Variants in AK7 observed in about 807,000 individuals in gnomAD.
The protein encoded by AK7 is ATP-AMP transphosphorylase 7.
In AK7, 78 loss-of-function variants were observed where a neutral mutation model predicts 96.6. That is an observed-to-expected ratio of 0.81 (90% CI 0.67 to 0.97). The LOEUF is 0.97. AK7 is among the 50% of genes least tolerant of loss of function. AK7 has a pLI of 0.00. For synonymous variants in AK7, 302 were observed against 317.2 expected, an observed-to-expected ratio of 0.95 and a Z score of 0.51; for missense variants, 855 against 887.9, an observed-to-expected ratio of 0.96 and a Z score of 0.47.
At chr14:96,434,363 G>A (rs116938192) in intron 5 of AK7, among the ~76,000 whole-genome samples, 3,441 of 152,258 alleles carry the variant, frequency 0.023, 67 homozygotes, top group Middle Eastern at 0.034. Flanking sequence ...TGGATTACCA[G>A]GCAGACTCTT....
intron 15 of AK7, 78 bp downstream of exon 15, chr14:96,478,740 G>A (rs986531017): frequency 2.8e-6 from 4 of 1,435,630 alleles, no homozygotes; most frequent in Non-Finnish European, 3.8e-6. Flanking sequence ...TGTAATTGTG[G>A]GGCTGGGGGG....
intron 12 of AK7, among the ~76,000 whole-genome samples, chr14:96,469,038 C>A (rs546515217): frequency 2.6e-5 from 4 of 152,074 alleles, no homozygotes; most frequent in Admixed American, 2.0e-4. Flanking sequence ...GCCTTGTAAG[C>A]ATCCCATAAT....
chr14:96,483,456 C>G (rs1369314579), intron 16 of AK7, among the ~76,000 whole-genome samples: 2 of 150,860 alleles, frequency 1.3e-5, no homozygotes, highest in East Asian at 3.9e-4. Flanking sequence ...GGGTCTGGCT[C>G]TGTCGCCCAG....
chr14:96,478,214 A>C (rs1895292701), intron 14 of AK7, among the ~76,000 whole-genome samples: 1 of 143,486 alleles, frequency 7.0e-6, no homozygotes. Context: ...GAAGGAAGGA[A>C]GAGAGGGAGG....
intron 14 of AK7, among the ~76,000 whole-genome samples, chr14:96,473,324 CCAT>C (rs1895002216): frequency 6.6e-6 from 1 of 151,796 alleles, no homozygotes; most frequent in Non-Finnish European, 1.5e-5. Context: ...GCGCCTACCA[CCAT>C]GACTGGCTAA....
intron 3 of AK7, chr14:96,405,074 A>T (rs998962159): frequency 7.5e-5 from 22 of 292,912 alleles, no homozygotes; most frequent in Non-Finnish European, 1.3e-4. Context: ...AGGCCGGCAC[A>T]CTGACTCATG....
chr14:96,460,859 C>T (rs1221020577), intron 12 of AK7, among the ~76,000 whole-genome samples: 1 of 152,160 alleles, frequency 6.6e-6, no homozygotes, highest in East Asian at 1.9e-4. Context: ...GGTCTCTAGT[C>T]CCCCGACCCT....
intron 14 of AK7, among the ~76,000 whole-genome samples, chr14:96,477,894 A>C (rs1397806996): frequency 6.6e-6 from 1 of 152,212 alleles, no homozygotes; most frequent in Non-Finnish European, 1.5e-5. Context: ...GATAGGAGGC[A>C]GCGTGAGGCC....
intron 5 of AK7, among the ~76,000 whole-genome samples, chr14:96,422,580 T>C (rs540355480): frequency 6.6e-6 from 1 of 152,322 alleles, no homozygotes; most frequent in South Asian, 2.1e-4. Context: ...TCTGCTTTTC[T>C]GGGATAGGAA....
intron 6 of AK7, among the ~76,000 whole-genome samples, chr14:96,438,229 C>T (rs956580719): frequency 2.0e-5 from 3 of 152,058 alleles, no homozygotes; most frequent in Non-Finnish European, 2.9e-5. Context: ...CCTCCTCTTG[C>T]GAAGCTTACA....
chr14:96,409,787 T>C (rs1471668026), intron 4 of AK7, among the ~76,000 whole-genome samples: 1 of 152,218 alleles, frequency 6.6e-6, no homozygotes, highest in East Asian at 1.9e-4. Flanking sequence ...TAATGTAAAA[T>C]TGACGTTTGG....
rs200320116 is a variant in AK7, at chr14:96,451,421, C to G, written c.949C>G (p.Gln317Glu). 4.5e-6 allele frequency: 7 copies of G among 1,557,852 alleles called. No homozygotes were observed. In the African/African-American group the frequency reaches 6.8e-5, roughly 15 times the overall value. Residue 317 changes from glutamine to glutamate, a missense_variant and splice_region_variant, in exon 10 of 18, where the codon CAA becomes GAA. By Grantham distance (29) the Gln-to-Glu change is conservative. Transcript: ENST00000267584. ...ENAYLTKDLTQDCLDHLLVNL... is the reference protein window; with the variant it reads ...ENAYLTKDLTEDCLDHLLVNL... ...TCTCTAATTGTCCTCTATCTTTCAG[C>G]AAGATTGTCTTGACCATTTACTGGT...
At chr14:96,434,879 A>T (rs1238744492) in intron 5 of AK7, among the ~76,000 whole-genome samples, 1 of 152,152 alleles carries the variant, frequency 6.6e-6, no homozygotes, top group African/African-American at 2.4e-5. Context: ...ACCCCAGGCC[A>T]CAAGGAGTAC....
intron 14 of AK7, among the ~76,000 whole-genome samples, chr14:96,473,935 G>A (rs575655981): frequency 6.6e-6 from 1 of 152,010 alleles, no homozygotes; most frequent in Non-Finnish European, 1.5e-5. Context: ...ATTTACACAG[G>A]GATTTCACAA....
intron 6 of AK7, among the ~76,000 whole-genome samples, chr14:96,441,934 G>C (rs1012314261): frequency 6.6e-6 from 1 of 151,828 alleles, no homozygotes; most frequent in Non-Finnish European, 1.5e-5. Context: ...TCTCCTTCCC[G>C]CCACTTCTCC....
chr14:96,415,039 A>G (rs1356825176), intron 4 of AK7, among the ~76,000 whole-genome samples: 2 of 151,974 alleles, frequency 1.3e-5, no homozygotes, highest in African/African-American at 4.8e-5. Flanking sequence ...ACAGGTGTGA[A>G]TGACCGAACA....
intron 10 of AK7, among the ~76,000 whole-genome samples, chr14:96,452,501 A>T (rs1485123337): frequency 6.6e-6 from 1 of 151,574 alleles, no homozygotes; most frequent in Non-Finnish European, 1.5e-5. Flanking sequence ...AATTTTTGTA[A>T]TTTTAGTAGA....
intron 9 of AK7, 82 bp downstream of exon 9, chr14:96,449,961 G>C: frequency 1.8e-6 from 2 of 1,142,614 alleles, no homozygotes; most frequent in South Asian, 3.0e-5. Flanking sequence ...TATCAGATAG[G>C]TTTTGGCTAA....
At chr14:96,431,035 T>A (rs1892320065) in intron 5 of AK7, among the ~76,000 whole-genome samples, 1 of 152,226 alleles carries the variant, frequency 6.6e-6, no homozygotes, top group South Asian at 2.1e-4. Flanking sequence ...TATCCATTTC[T>A]TCTAGTTTAT....
Sources: gnomAD v4.1 joint callset for allele counts (sites outside exome capture counted in the v4.1 genomes callset) on GRCh38, gnomAD v4.1.1 for gene constraint, MANE v1.5 for transcripts, NCBI Gene and HGNC (gene_info 2026-07-23, HGNC 2026-07-21) for gene names.